The following LRRC4C variants were observed in gnomAD, a reference collection of about 807,000 sequenced individuals.
LRRC4C encodes the protein leucine-rich repeat-containing protein 4C.
A neutral mutation model predicts 33.6 loss-of-function variants in LRRC4C; 5 were observed. The ratio of observed to expected loss-of-function variants is 0.15; its 90% CI spans 0.08 to 0.31. The LOEUF (loss-of-function observed/expected upper bound fraction) is 0.31, where lower values mean the gene tolerates loss of function less well. Among genes scored for constraint, LRRC4C ranks in the 10% least tolerant of loss-of-function variants. The pLI is 1.00. For synonymous variants in LRRC4C, 329 were observed against 302.0 expected, an observed-to-expected ratio of 1.09 and a Z score of -0.93; for missense variants, 560 against 796.7, an observed-to-expected ratio of 0.70 and a Z score of 3.58.
chr11:40,482,679 A>G (rs894440997), intron 3 of LRRC4C, among the ~76,000 whole-genome samples: 5 of 151,966 alleles, frequency 3.3e-5, no homozygotes, highest in African/African-American at 1.2e-4. Context: ...TGTGTTGCCC[A>G]AGGCTGGTTG....
intron 1 of LRRC4C, among the ~76,000 whole-genome samples, chr11:40,986,587 A>G (rs1405484930): frequency 1.3e-5 from 2 of 152,132 alleles, no homozygotes; most frequent in Non-Finnish European, 2.9e-5. Context: ...AGAACAAAAA[A>G]GAAAAAAAGA....
intron 5 of LRRC4C, among the ~76,000 whole-genome samples, chr11:40,232,644 G>A (rs550169969): frequency 6.6e-6 from 1 of 152,242 alleles, no homozygotes; most frequent in Non-Finnish European, 1.5e-5. Flanking sequence ...TTCATCAACT[G>A]CAATTCTTCA....
At chr11:41,035,033 A>C (rs1263334384) in intron 1 of LRRC4C, among the ~76,000 whole-genome samples, 1 of 150,090 alleles carries the variant, frequency 6.7e-6, no homozygotes, top group Non-Finnish European at 1.5e-5. Context: ...TCCAGGGTAC[A>C]TGTGCAGGAT....
At chr11:40,276,843 A>C (rs1438854141) in intron 4 of LRRC4C, among the ~76,000 whole-genome samples, 1 of 151,986 alleles carries the variant, frequency 6.6e-6, no homozygotes, top group Non-Finnish European at 1.5e-5. Flanking sequence ...GATATGCTGA[A>C]GGAGTAAGGA....
intron 2 of LRRC4C, among the ~76,000 whole-genome samples, chr11:40,751,017 C>A (rs1948665416): frequency 6.6e-6 from 1 of 151,666 alleles, no homozygotes; most frequent in African/African-American, 2.4e-5. Context: ...GGACAAAAAC[C>A]AGTTGATTAT....
chr11:41,318,654 A>G (rs1006274520), intron 1 of LRRC4C, among the ~76,000 whole-genome samples: 1 of 152,130 alleles, frequency 6.6e-6, no homozygotes, highest in Non-Finnish European at 1.5e-5. Context: ...TTGAACACTA[A>G]TCATTTGACA....
rs186108955 is a variant in LRRC4C at position 40,701,770 on chromosome 11, T to C, written c.-406-53492A>G. Among the ~76,000 whole-genome samples the C allele has an allele frequency of 7.7e-3, 1,172 of 151,850 alleles. 3 individuals carry two copies. The highest frequency in any genetic ancestry group is 0.012 in the Non-Finnish European group (819 of 67,856). On this transcript the variant is annotated intron_variant, in intron 2 of 6. Transcript: ENST00000528697. ...ATCCAGTATTACAAAGCCTGCATAA[T>C]AGAGTCACCCTATTTAATGATTTGT...
intron 3 of LRRC4C, among the ~76,000 whole-genome samples, chr11:40,337,540 A>C (rs887603402): frequency 6.6e-6 from 1 of 152,160 alleles, no homozygotes; most frequent in African/African-American, 2.4e-5. Flanking sequence ...ATACACCATA[A>C]GGTCAATAAT....
chr11:40,433,665 A>G (rs1328394921), intron 3 of LRRC4C, among the ~76,000 whole-genome samples: 2 of 152,222 alleles, frequency 1.3e-5, no homozygotes, highest in African/African-American at 4.8e-5. Flanking sequence ...GTGCATGCAC[A>G]TATATTCTTA....
At chr11:40,675,940 G>T (rs1944377001) in intron 2 of LRRC4C, among the ~76,000 whole-genome samples, 1 of 152,108 alleles carries the variant, frequency 6.6e-6, no homozygotes, top group Non-Finnish European at 1.5e-5. Context: ...AAACTCTTAA[G>T]TATAGTAACT....
Position 40,814,610 on chromosome 11 carries a change from T to A in LRRC4C, c.-407+119025A>T, listed in dbSNP as rs558097723. On this transcript the variant is annotated intron_variant, in intron 2 of 6. Transcript: ENST00000528697. The stretch of plus-strand genomic sequence containing the variant: ...CTTGAATTTCTCCCCAGAAAATGGG[T>A]TTTTTCTTTTCTATTGCATTGTCAT... Among the ~76,000 whole-genome samples, 19 of 151,854 alleles carry A rather than the reference T, an allele frequency of 1.3e-4. 1 individual carries two copies. In the South Asian group the frequency reaches 3.6e-3, roughly 28 times the overall value.
chr11:41,185,636 T>C (rs1360287669), intron 1 of LRRC4C, among the ~76,000 whole-genome samples: 1 of 152,188 alleles, frequency 6.6e-6, no homozygotes, highest in African/African-American at 2.4e-5. Context: ...AAGGCCACTG[T>C]AAAGGTTCAG....
intron 1 of LRRC4C, among the ~76,000 whole-genome samples, chr11:41,197,297 A>G (rs1472398847): frequency 1.3e-5 from 2 of 152,038 alleles, no homozygotes; most frequent in African/African-American, 2.4e-5. Context: ...AGATTTTTCT[A>G]TTTCTAAGAG....
At chr11:41,048,798 A>G (rs7951025) in intron 1 of LRRC4C, among the ~76,000 whole-genome samples, 85,986 of 152,020 alleles carry the variant, frequency 0.57, 25,351 homozygotes, top group South Asian at 0.71. Context: ...GTTGGACACT[A>G]TAACAGATAC....
Position 40,459,973 on chromosome 11 carries a change from T to C in LRRC4C, c.-269-140252A>G, listed in dbSNP as rs1371966817. On this transcript the variant is annotated intron_variant, in intron 3 of 6. Transcript: ENST00000528697. Reference sequence around the variant, plus strand: ...ATAGACAAAAGCCTTTCACTATCTTTGGCTGACAATCAAGTTCCTTTTAGC... The same window carrying C: ...ATAGACAAAAGCCTTTCACTATCTTCGGCTGACAATCAAGTTCCTTTTAGC... Among the ~76,000 whole-genome samples, 4 of 152,316 alleles carry C rather than the reference T, an allele frequency of 2.6e-5. No individual in the cohort carries two copies. In the East Asian group the frequency reaches 7.7e-4, roughly 29 times the overall value.
intron 1 of LRRC4C, among the ~76,000 whole-genome samples, chr11:41,265,763 A>G (rs908320137): frequency 3.9e-5 from 6 of 152,074 alleles, no homozygotes; most frequent in African/African-American, 1.4e-4. Flanking sequence ...TACAGCTAGG[A>G]GGGACTCTGA....
At chr11:40,655,403 G>A (rs1019535447) in intron 2 of LRRC4C, among the ~76,000 whole-genome samples, 1 of 152,132 alleles carries the variant, frequency 6.6e-6, no homozygotes, top group Admixed American at 6.5e-5. Flanking sequence ...GGAAGAACAA[G>A]GGAATAATTT....
chr11:40,848,052 G>A (rs576764442), intron 2 of LRRC4C, among the ~76,000 whole-genome samples: 11 of 145,542 alleles, frequency 7.6e-5, no homozygotes, highest in Non-Finnish European at 9.1e-5. Flanking sequence ...TCTTTTCTTC[G>A]TTATTATTCT....
At chr11:40,644,348 G>GAATGTAAAAAAAAAAA (rs1942311478) in intron 3 of LRRC4C, among the ~76,000 whole-genome samples, 2 of 152,132 alleles carry the variant, frequency 1.3e-5, no homozygotes. Flanking sequence ...AGTTACTCTG[G>GAATGTAAAAAAAAAAA]AAAACTCTTC....
Sources: gnomAD v4.1 joint callset for allele counts (sites outside exome capture counted in the v4.1 genomes callset) on GRCh38, gnomAD v4.1.1 for gene constraint, MANE v1.5 for transcripts, NCBI Gene and HGNC (gene_info 2026-07-23, HGNC 2026-07-21) for gene names.